ZNF469: variants seen among roughly 807,000 people sequenced by gnomAD.
The protein encoded by ZNF469 is zinc finger protein 469.
In ZNF469, 1 loss-of-function variant was observed where a neutral mutation model predicts 1.0. That is an observed-to-expected ratio of 1.00 (90% CI 0.35 to 4.73). The LOEUF (loss-of-function observed/expected upper bound fraction) is 4.73. Among genes scored for constraint, ZNF469 ranks in the 30% most tolerant of loss-of-function variants. The pLI is 0.16. For missense variants in ZNF469, 6,100 were observed against 5,356.3 expected, an observed-to-expected ratio of 1.14 and a Z score of -4.33; for synonymous variants, 2,703 against 2,363.4, an observed-to-expected ratio of 1.14 and a Z score of -4.17.
At position 88,436,734 on chromosome 16, in the gene ZNF469, G is replaced by A; in HGVS notation, c.9264G>A (p.Gln3088=). 6.5e-7 allele frequency: 1 copy of A among 1,548,706 alleles called. No homozygotes were observed. Among genetic ancestry groups the A allele is most frequent in the African/African-American group, 1.4e-5 (1 of 73,140 alleles). ...GCACGGCGAGCTCACAGGGGCCACA[G>A]AGCCGAAGGACAGAGGAGGCTGCAG... ...FEGTASSQGP[Q]SRRTEEAAGA... Residue 3088 remains glutamine (Q), a synonymous_variant, in exon 3 of 3, where the codon CAG becomes CAA. Transcript: ENST00000565624.
the ZNF469 span, among the ~76,000 whole-genome samples, chr16:88,353,799 C>A: frequency 6.6e-6 from 1 of 152,148 alleles, no homozygotes; most frequent in East Asian, 1.9e-4. Flanking sequence ...TCTGGGGATG[C>A]GGCCACTCGC....
the ZNF469 span, among the ~76,000 whole-genome samples, chr16:88,146,930 G>A: frequency 6.6e-6 from 1 of 151,982 alleles, no homozygotes. Context: ...CAGCGTGGGT[G>A]GCCTCCTGGG....
the ZNF469 span, among the ~76,000 whole-genome samples, chr16:88,377,555 C>A: frequency 6.6e-6 from 1 of 152,218 alleles, no homozygotes; most frequent in Admixed American, 6.5e-5. Flanking sequence ...GAGTCACGCG[C>A]CACCATCCGT....
the ZNF469 span, among the ~76,000 whole-genome samples, chr16:88,243,068 C>G: frequency 2.6e-5 from 4 of 152,190 alleles, no homozygotes; most frequent in African/African-American, 9.7e-5. Flanking sequence ...ATTCTGCATC[C>G]CCTGGGCCCA....
chr16:88,123,775 C>A, the ZNF469 span, among the ~76,000 whole-genome samples: 2 of 152,160 alleles, frequency 1.3e-5, no homozygotes, highest in African/African-American at 2.4e-5. Flanking sequence ...TCTTTGCAAT[C>A]TGTGATGAAG....
At position 88,383,108 on chromosome 16, in the gene ZNF469, CG is replaced by C. The variant is rs1394887608; in HGVS notation, c.-336del. ...CCCCGAGGCGCAGCGCGCGGCAGAG[CG>C]GCTCGGTGCCCGGCGGGCGGGCGGC... is the stretch of plus-strand genomic sequence containing the variant. On this transcript the variant is annotated 5_prime_UTR_variant, in exon 1 of 3. Transcript: ENST00000565624. 2.0e-5 allele frequency among the ~76,000 whole-genome samples: 3 copies of C among 149,800 alleles called. No homozygotes were observed. Among genetic ancestry groups the C allele is most frequent in the Non-Finnish European group, 4.5e-5 (3 of 67,120 alleles).
chr16:88,113,554 G>A, the ZNF469 span, among the ~76,000 whole-genome samples: 8 of 152,250 alleles, frequency 5.3e-5, no homozygotes, highest in South Asian at 2.1e-4. Flanking sequence ...AGCCCGGCTC[G>A]GGGAGGAACA....
At chr16:88,137,365 A>G in the ZNF469 span, among the ~76,000 whole-genome samples, 1 of 152,368 alleles carries the variant, frequency 6.6e-6, no homozygotes, top group African/African-American at 2.4e-5. Flanking sequence ...GTAAACAGTC[A>G]TATGTGCATA....
At chr16:88,312,767 G>A in the ZNF469 span, among the ~76,000 whole-genome samples, 10 of 152,118 alleles carry the variant, frequency 6.6e-5, no homozygotes, top group East Asian at 9.6e-4. Flanking sequence ...CCTTTACAAC[G>A]CAGTCAATGC....
chr16:88,132,433 T>C, the ZNF469 span, among the ~76,000 whole-genome samples: 1 of 152,218 alleles, frequency 6.6e-6, no homozygotes, highest in African/African-American at 2.4e-5. Flanking sequence ...CCGGCGGGGC[T>C]GGATCTGTGA....
chr16:88,282,696 C>T, the ZNF469 span, among the ~76,000 whole-genome samples: 1 of 152,198 alleles, frequency 6.6e-6, no homozygotes, highest in Non-Finnish European at 1.5e-5. Flanking sequence ...GAGCAGAGTC[C>T]CACAGGGAAG....
At chr16:88,220,256 C>A in the ZNF469 span, among the ~76,000 whole-genome samples, 1 of 152,246 alleles carries the variant, frequency 6.6e-6, no homozygotes, top group East Asian at 1.9e-4. Context: ...CTGCAGGCTC[C>A]CTTGTGTGAA....
intron 1 of ZNF469, among the ~76,000 whole-genome samples, chr16:88,400,740 T>C (rs1229396124): frequency 6.6e-6 from 1 of 151,988 alleles, no homozygotes; most frequent in African/African-American, 2.4e-5. Context: ...GGTCAGCCTG[T>C]GGGTCCGCAA....
the ZNF469 span, among the ~76,000 whole-genome samples, chr16:88,145,195 A>C: frequency 6.6e-6 from 1 of 152,216 alleles, no homozygotes; most frequent in African/African-American, 2.4e-5. Flanking sequence ...AGTGACCTTA[A>C]GTCCCAGGGA....
chr16:88,323,243 C>G, the ZNF469 span, among the ~76,000 whole-genome samples: 15 of 152,258 alleles, frequency 9.9e-5, no homozygotes, highest in African/African-American at 3.6e-4. Flanking sequence ...GCCCCGGAGG[C>G]CTTGGTGGTG....
At chr16:88,412,267 C>A (rs1905192684) in intron 1 of ZNF469, among the ~76,000 whole-genome samples, 1 of 152,248 alleles carries the variant, frequency 6.6e-6, no homozygotes, top group Non-Finnish European at 1.5e-5. Flanking sequence ...GGCCTCTGCG[C>A]AGCCTCAGAC....
chr16:88,184,730 C>T, the ZNF469 span, among the ~76,000 whole-genome samples: 5 of 152,194 alleles, frequency 3.3e-5, no homozygotes, highest in East Asian at 7.7e-4. Context: ...TGCTGTTGCT[C>T]CAGCGTGTTG....
At chr16:88,254,005 A>G in the ZNF469 span, among the ~76,000 whole-genome samples, 1 of 152,090 alleles carries the variant, frequency 6.6e-6, no homozygotes, top group Non-Finnish European at 1.5e-5. Flanking sequence ...ATGAGCAGAA[A>G]TTATCAATTT....
chr16:88,125,756 G>T, the ZNF469 span, among the ~76,000 whole-genome samples: 2 of 151,948 alleles, frequency 1.3e-5, no homozygotes, highest in African/African-American at 4.9e-5. Context: ...ACTTGCAAAT[G>T]ATATTTTATT....
Sources: allele counts gnomAD v4.1 joint callset (sites outside exome capture counted in the v4.1 genomes callset), GRCh38; gene constraint gnomAD v4.1.1; transcripts MANE v1.5; gene names NCBI Gene and HGNC (gene_info 2026-07-23, HGNC 2026-07-21).